The following DSCAML1 variants were observed in gnomAD, a reference collection of about 807,000 sequenced individuals.
The protein encoded by DSCAML1 is DS cell adhesion molecule like 1.
A neutral mutation model predicts 200.5 loss-of-function variants in DSCAML1; 38 were observed. The observed-to-expected ratio is 0.19, with a 90% CI of 0.15 to 0.25. DSCAML1 has a LOEUF of 0.25. Ranked by LOEUF, DSCAML1 falls within the 10% of genes least tolerant of loss-of-function variation. The pLI is 1.00. For missense variants in DSCAML1, 2,223 were observed against 2,858.8 expected (o/e 0.78, Z 5.07); for synonymous variants, 1,215 against 1,165.0 (o/e 1.04, Z -0.87).
At chr11:117,759,094 T>C (rs1187368842) in intron 3 of DSCAML1, among the ~76,000 whole-genome samples, 1 of 152,154 alleles carries the variant, frequency 6.6e-6, no homozygotes, top group Non-Finnish European at 1.5e-5. Flanking sequence ...AAATCCACCC[T>C]GTTGAGAATG....
intron 16 of DSCAML1, among the ~76,000 whole-genome samples, chr11:117,467,390 C>A (rs1056072022): frequency 6.6e-6 from 1 of 152,292 alleles, no homozygotes; most frequent in South Asian, 2.1e-4. Context: ...CACCCCAGCG[C>A]ATTTAAAAAC....
At chr11:117,658,001 G>A (rs1312346843) in intron 3 of DSCAML1, among the ~76,000 whole-genome samples, 1 of 152,132 alleles carries the variant, frequency 6.6e-6, no homozygotes, top group African/African-American at 2.4e-5. Context: ...GCACTGGAGC[G>A]GGGCTTGGTC....
chr11:117,724,358 G>C (rs1293691573), intron 3 of DSCAML1, among the ~76,000 whole-genome samples: 1 of 152,140 alleles, frequency 6.6e-6, no homozygotes, highest in African/African-American at 2.4e-5. Flanking sequence ...GGACTGGAGC[G>C]GGAAAGAAGA....
intron 3 of DSCAML1, among the ~76,000 whole-genome samples, chr11:117,695,202 A>G (rs115303991): frequency 0.013 from 2,038 of 152,298 alleles, 40 homozygotes; most frequent in African/African-American, 0.046. Flanking sequence ...GGACTTGGTT[A>G]TCTATGAGAA....
intron 3 of DSCAML1, among the ~76,000 whole-genome samples, chr11:117,641,500 G>A (rs1379879249): frequency 6.6e-6 from 1 of 152,226 alleles, no homozygotes; most frequent in Non-Finnish European, 1.5e-5. Context: ...GAGCTGCCAT[G>A]TGACTGTAGC....
At chr11:117,679,156 A>G (rs2053268699) in intron 3 of DSCAML1, among the ~76,000 whole-genome samples, 1 of 152,216 alleles carries the variant, frequency 6.6e-6, no homozygotes, top group Non-Finnish European at 1.5e-5. Context: ...CTGTGGGACG[A>G]TGCGTGTTAG....
At chr11:117,789,305 T>C (rs561216171) in intron 1 of DSCAML1, among the ~76,000 whole-genome samples, 68 of 152,338 alleles carry the variant, frequency 4.5e-4, no homozygotes, top group African/African-American at 1.6e-3. Context: ...CAGCCCTTTC[T>C]AGACAGGGCC....
chr11:117,486,796 A>G (rs2049078137), intron 11 of DSCAML1, among the ~76,000 whole-genome samples: 1 of 150,570 alleles, frequency 6.6e-6, no homozygotes, highest in Non-Finnish European at 1.5e-5. Flanking sequence ...TGCTGGCCAC[A>G]TGGGGCTAAT....
At chr11:117,667,397 G>C (rs1308758506) in intron 3 of DSCAML1, among the ~76,000 whole-genome samples, 1 of 152,166 alleles carries the variant, frequency 6.6e-6, no homozygotes, top group Non-Finnish European at 1.5e-5. Flanking sequence ...GGGTGACAGA[G>C]ACTCCGTCTC....
chr11:117,625,868 A>T (rs2052032320), intron 3 of DSCAML1, among the ~76,000 whole-genome samples: 1 of 152,190 alleles, frequency 6.6e-6, no homozygotes, highest in Admixed American at 6.5e-5. Context: ...AATGCCATCA[A>T]TGTCCCCTAT....
At chr11:117,809,291 G>T (rs1369735707) in intron 1 of DSCAML1, among the ~76,000 whole-genome samples, 1 of 152,254 alleles carries the variant, frequency 6.6e-6, no homozygotes, top group Admixed American at 6.5e-5. Context: ...CTCCTGGAAA[G>T]TGCAGTGTGG....
chr11:117,619,536 G>A (rs2051883399), intron 3 of DSCAML1, among the ~76,000 whole-genome samples: 1 of 152,198 alleles, frequency 6.6e-6, no homozygotes, highest in African/African-American at 2.4e-5. Context: ...TGGAAAATAT[G>A]TTTAATCTCT....
chr11:117,734,383 C>T (rs1942929), intron 3 of DSCAML1, among the ~76,000 whole-genome samples: 128,616 of 152,172 alleles, frequency 0.85, 55,742 homozygotes, highest in Non-Finnish European at 0.94. Flanking sequence ...GAAAACCTTG[C>T]TGGGAGACTA....
chr11:117,780,465 C>A lies in DSCAML1; in HGVS notation c.364+28G>T. 5 of 1,419,466 alleles carry A rather than the reference C, an allele frequency of 3.5e-6. No homozygotes were observed. Among genetic ancestry groups the A allele is most frequent in the Non-Finnish European group, 4.6e-6 (5 of 1,082,812 alleles). 87.9% of individuals were successfully genotyped at this position (1,419,466 alleles called of 1,614,324 possible). A position where few individuals can be genotyped will look rare whatever the true frequency, so the allele number is the denominator to read the frequency against. On this transcript the variant is annotated intron_variant, in intron 2 of 32. Transcript: ENST00000651296. This position sits in a 1 kb window ranked among gnomAD's most constrained non-coding sequence, Gnocchi z 4.8. ...GACGGCGCAGCCTCCTCCTGTGCCA[C>A]TGGGGCAGCCAGTGTCTTGTCCCTT...
At chr11:117,561,589 C>T (rs2050664820) in intron 3 of DSCAML1, among the ~76,000 whole-genome samples, 1 of 152,230 alleles carries the variant, frequency 6.6e-6, no homozygotes, top group Non-Finnish European at 1.5e-5. Context: ...CTCTCCTCTC[C>T]TCTCCTCTGG....
chr11:117,536,339 G>C (rs1251318955), intron 3 of DSCAML1, among the ~76,000 whole-genome samples: 1 of 152,214 alleles, frequency 6.6e-6, no homozygotes, highest in Admixed American at 6.5e-5. Context: ...AACATGGCTG[G>C]CCTCCCGGGC....
intron 3 of DSCAML1, among the ~76,000 whole-genome samples, chr11:117,765,628 T>C (rs11603563): frequency 0.055 from 8,325 of 152,118 alleles, 746 homozygotes; most frequent in African/African-American, 0.18. Flanking sequence ...CTAGGAAAAA[T>C]TGAAAACCTA....
chr11:117,462,690 C>G (rs1592615143), intron 17 of DSCAML1, among the ~76,000 whole-genome samples: 1 of 152,142 alleles, frequency 6.6e-6, no homozygotes, highest in East Asian at 1.9e-4. Flanking sequence ...GTGTAATAAA[C>G]TAATACAGAT....
chr11:117,655,879 A>G (rs945583558), intron 3 of DSCAML1, among the ~76,000 whole-genome samples: 11 of 152,196 alleles, frequency 7.2e-5, no homozygotes, highest in African/African-American at 2.4e-4. Context: ...AAGCCACAGA[A>G]AGCACCGCTA....
Sources: allele counts gnomAD v4.1 joint callset (sites outside exome capture counted in the v4.1 genomes callset), GRCh38; gene constraint gnomAD v4.1.1; non-coding constraint Gnocchi (gnomAD v3.1); transcripts MANE v1.5; gene names NCBI Gene and HGNC (gene_info 2026-07-23, HGNC 2026-07-21).